The following MACROD2 variants were observed in gnomAD, a reference collection of about 807,000 sequenced individuals.
The protein encoded by MACROD2 is ADP-ribose glycohydrolase MACROD2.
In MACROD2, 36 loss-of-function variants were observed where a neutral mutation model predicts 70.4. The ratio of observed to expected loss-of-function variants is 0.51; its 90% CI spans 0.39 to 0.68. The LOEUF is 0.68. Ranked by LOEUF, MACROD2 falls within the 30% of genes least tolerant of loss-of-function variation. The probability of loss-of-function intolerance (pLI) is 0.00; values close to 1 mark genes in which losing one functional copy is unlikely to be tolerated. For synonymous variants in MACROD2, 172 were observed against 178.8 expected (o/e 0.96, Z 0.30); for missense variants, 496 against 538.4 (o/e 0.92, Z 0.78).
intron 5 of MACROD2, among the ~76,000 whole-genome samples, chr20:15,064,498 A>G (rs940314269): frequency 1.3e-5 from 2 of 152,188 alleles, no homozygotes; most frequent in Non-Finnish European, 2.9e-5. Flanking sequence ...CTTATAATGC[A>G]GAATCTCCCT....
chr20:15,815,783 CT>C, intron 8 of MACROD2, among the ~76,000 whole-genome samples: 2 of 152,220 alleles, frequency 1.3e-5, no homozygotes, highest in South Asian at 4.1e-4. Context: ...AACTTTTCTT[CT>C]TCTGCCAGTC....
intron 4 of MACROD2, among the ~76,000 whole-genome samples, chr20:14,517,901 A>C (rs1416000452): frequency 6.6e-6 from 1 of 151,626 alleles, no homozygotes; most frequent in Non-Finnish European, 1.5e-5. Context: ...TAGCCATATC[A>C]TGCTATTTGG....
chr20:15,796,005 G>A (rs901582558), intron 8 of MACROD2, among the ~76,000 whole-genome samples: 2 of 152,168 alleles, frequency 1.3e-5, no homozygotes, highest in South Asian at 2.1e-4. Flanking sequence ...AGACACAAAA[G>A]GGGTGCTTTG....
intron 6 of MACROD2, among the ~76,000 whole-genome samples, chr20:15,405,457 A>G (rs536473891): frequency 1.3e-5 from 2 of 152,278 alleles, no homozygotes; most frequent in South Asian, 4.1e-4. Flanking sequence ...CCCAGCCTCC[A>G]GGAGCAATAG....
chr20:15,402,072 C>T (rs1346539409), intron 6 of MACROD2, among the ~76,000 whole-genome samples: 6 of 152,144 alleles, frequency 3.9e-5, no homozygotes, highest in African/African-American at 7.2e-5. Context: ...TACTCCTTGG[C>T]GGCATTTTCC....
chr20:14,949,313 C>T (rs2122727592), intron 5 of MACROD2, among the ~76,000 whole-genome samples: 1 of 152,236 alleles, frequency 6.6e-6, no homozygotes, highest in East Asian at 1.9e-4. Flanking sequence ...AGGAATGATA[C>T]ATTATCATTT....
intron 5 of MACROD2, among the ~76,000 whole-genome samples, chr20:14,965,861 A>G (rs1221733007): frequency 6.6e-6 from 1 of 152,168 alleles, no homozygotes; most frequent in Non-Finnish European, 1.5e-5. Flanking sequence ...CTTCAACAAC[A>G]TACAGTAACT....
chr20:14,981,766 C>T (rs911892877), intron 5 of MACROD2, among the ~76,000 whole-genome samples: 1 of 152,088 alleles, frequency 6.6e-6, no homozygotes, highest in African/African-American at 2.4e-5. Flanking sequence ...ATCCAATAAA[C>T]CTCTTTCTTT....
intron 6 of MACROD2, among the ~76,000 whole-genome samples, chr20:15,370,792 G>T (rs1000544403): frequency 1.3e-5 from 2 of 151,798 alleles, no homozygotes; most frequent in African/African-American, 2.4e-5. Flanking sequence ...TTTTAACTAT[G>T]AATAGAGATG....
At chr20:15,350,038 G>A (rs922872721) in intron 6 of MACROD2, among the ~76,000 whole-genome samples, 7 of 152,122 alleles carry the variant, frequency 4.6e-5, no homozygotes, top group East Asian at 3.9e-4. Flanking sequence ...GAGTCTAAAC[G>A]TGTAAGATTT....
At chr20:14,091,459 C>T (rs1433749942) in intron 3 of MACROD2, among the ~76,000 whole-genome samples, 1 of 151,886 alleles carries the variant, frequency 6.6e-6, no homozygotes, top group Non-Finnish European at 1.5e-5. Context: ...TTATATATTT[C>T]AAAATAACTA....
chr20:14,998,819 C>T (rs1273181664), intron 5 of MACROD2, among the ~76,000 whole-genome samples: 1 of 152,128 alleles, frequency 6.6e-6, no homozygotes, highest in Non-Finnish European at 1.5e-5. Flanking sequence ...AAGAAGACTA[C>T]ATCAAGGCAT....
At chr20:14,033,978 A>T (rs2053276985) in intron 2 of MACROD2, among the ~76,000 whole-genome samples, 1 of 151,112 alleles carries the variant, frequency 6.6e-6, no homozygotes, top group African/African-American at 2.4e-5. Flanking sequence ...TTATTTATTT[A>T]TTTATTTATT....
intron 6 of MACROD2, among the ~76,000 whole-genome samples, chr20:15,371,764 A>G (rs1439962871): frequency 6.6e-6 from 1 of 152,194 alleles, no homozygotes; most frequent in African/African-American, 2.4e-5. Flanking sequence ...GAATGGATTT[A>G]TTGAATAGTT....
chr20:14,421,860 A>G (rs1213172014), intron 3 of MACROD2, among the ~76,000 whole-genome samples: 5 of 152,120 alleles, frequency 3.3e-5, no homozygotes, highest in Non-Finnish European at 4.4e-5. Context: ...TGCTTGAAAA[A>G]TGAGTAATTT....
intron 8 of MACROD2, among the ~76,000 whole-genome samples, chr20:15,544,481 T>A (rs2048000961): frequency 6.6e-6 from 1 of 152,190 alleles, no homozygotes; most frequent in African/African-American, 2.4e-5. Context: ...GCAAGACTAA[T>A]TTGTTTGTAG....
intron 5 of MACROD2, among the ~76,000 whole-genome samples, chr20:15,035,597 A>G (rs1338957407): frequency 6.6e-6 from 1 of 151,974 alleles, no homozygotes; most frequent in Non-Finnish European, 1.5e-5. Context: ...TCTTTATGGA[A>G]CCTCCTGTCC....
intron 8 of MACROD2, among the ~76,000 whole-genome samples, chr20:15,565,502 C>A (rs1434970357): frequency 6.6e-6 from 1 of 152,102 alleles, no homozygotes; most frequent in Non-Finnish European, 1.5e-5. Context: ...AAATAAAATA[C>A]CAAATAGTGT....
intron 5 of MACROD2, among the ~76,000 whole-genome samples, chr20:14,853,669 A>G (rs953074971): frequency 3.3e-5 from 5 of 152,134 alleles, no homozygotes; most frequent in Non-Finnish European, 7.4e-5. Flanking sequence ...AGAAATGAGT[A>G]TGCTGCATCG....
Sources: allele counts gnomAD v4.1 joint callset (sites outside exome capture counted in the v4.1 genomes callset), GRCh38; gene constraint gnomAD v4.1.1; transcripts MANE v1.5; gene names NCBI Gene and HGNC (gene_info 2026-07-23, HGNC 2026-07-21).